Variants in TRPA1 observed in about 807,000 individuals in gnomAD.
The protein encoded by TRPA1 is ankyrin-like with transmembrane domains 1.
Under a neutral mutation model 131.3 loss-of-function variants are expected in TRPA1, and 129 were observed. The observed-to-expected ratio is 0.98, with a 90% CI of 0.85 to 1.14. The LOEUF (loss-of-function observed/expected upper bound fraction) is 1.14, where lower values mean the gene tolerates loss of function less well. Among genes scored for constraint, TRPA1 ranks in the 50% most tolerant of loss-of-function variants. The probability of loss-of-function intolerance (pLI) is 0.00; values close to 1 mark genes in which losing one functional copy is unlikely to be tolerated. For synonymous variants in TRPA1, 441 were observed against 451.7 expected, an observed-to-expected ratio of 0.98 and a Z score of 0.30; for missense variants, 1,304 against 1,354.2, an observed-to-expected ratio of 0.96 and a Z score of 0.58.
chr8:72,055,003 A>G (rs1050117346), intron 12 of TRPA1: 4 of 156,962 alleles, frequency 2.5e-5, no homozygotes, highest in African/African-American at 9.6e-5. Context: ...CCTACCATTC[A>G]TCAGATTGAA....
chr8:72,063,881 C>T (rs575898083), intron 4 of TRPA1, among the ~76,000 whole-genome samples: 1 of 152,214 alleles, frequency 6.6e-6, no homozygotes, highest in East Asian at 1.9e-4. Flanking sequence ...ATTATCATGA[C>T]TTCCATAACT....
In TRPA1 at chr8:72,062,887, G is replaced by T; in HGVS notation, c.719C>A (p.Ala240Asp). 1.2e-6 allele frequency: 2 copies of T among 1,613,818 alleles called. No homozygotes were observed. The highest frequency in any genetic ancestry group is 1.7e-6 in the Non-Finnish European group (2 of 1,179,898). ...LHINFMNNGK[A>D]TPLHLAVQNG... is the part of the protein sequence containing the mutation. Reference sequence around the variant, plus strand: ...TTGCACAGCCAGGTGGAGAGGGGTGGCTTTCCCATTATTCATAAAGTTAAT... The same window carrying T: ...TTGCACAGCCAGGTGGAGAGGGGTGTCTTTCCCATTATTCATAAAGTTAAT... Residue 240 changes from alanine (A) to aspartate (D), a missense_variant, in exon 6 of 27, where the codon GCC becomes GAC. Physicochemically the swap from Ala to Asp is moderately radical, Grantham distance 126. Transcript: ENST00000262209.
chr8:72,082,883 A>C, the TRPA1 span, among the ~76,000 whole-genome samples: 1 of 151,806 alleles, frequency 6.6e-6, no homozygotes, highest in Non-Finnish European at 1.5e-5. Context: ...AATTTCTTCA[A>C]ATAATTTTTC....
rs1805856168 is a variant in TRPA1 at position 72,063,474 on chromosome 8, A to T, written c.650T>A (p.Ile217Lys). 6.2e-7 allele frequency: 1 copy of T among 1,610,956 alleles called. No homozygotes were observed. The highest frequency in any genetic ancestry group is 1.7e-5 in the Admixed American group (1 of 59,986). The change falls in exon 5 of 27, where the codon ATA becomes AAA. Residue 217 changes from isoleucine (I) to lysine (K), a missense_variant. Physicochemically the swap from Ile to Lys is moderately radical, Grantham distance 102 (BLOSUM62 -3). Coordinates refer to ENST00000262209, the MANE Select transcript of TRPA1 (RefSeq NM_007332.3). ...AAGCCTCAACTCACCAAACCTTAGT[A>T]TTATTTCCATGCATTCTTTGGAACC... ...FSGSKECMEI[I>K]LRFGEEHGYS...
chr8:72,036,069 A>T (rs1014278070), intron 21 of TRPA1, among the ~76,000 whole-genome samples: 8 of 151,848 alleles, frequency 5.3e-5, no homozygotes, highest in Admixed American at 2.6e-4. Context: ...TTATCTGGCT[A>T]CAAAGTTCAA....
At chr8:72,053,891 G>T (rs781770099) in intron 12 of TRPA1, 24 bp from the exon 13 acceptor site, 30 of 1,550,806 alleles carry the variant, frequency 1.9e-5, no homozygotes, top group Non-Finnish European at 2.5e-5. Flanking sequence ...AAGAAAAGAT[G>T]TGTGCATACA....
At chr8:72,083,656 T>A in the TRPA1 span, among the ~76,000 whole-genome samples, 1 of 151,494 alleles carries the variant, frequency 6.6e-6, no homozygotes, top group African/African-American at 2.4e-5. Context: ...GGCAGGAGAA[T>A]GGCATGAACC....
At chr8:72,087,613 A>G in the TRPA1 span, among the ~76,000 whole-genome samples, 7 of 130,750 alleles carry the variant, frequency 5.4e-5, no homozygotes, top group African/African-American at 2.1e-4. Flanking sequence ...TTTGTTTTTC[A>G]GTTATATGGA....
intron 23 of TRPA1, among the ~76,000 whole-genome samples, chr8:72,032,203 T>G (rs1311136589): frequency 6.6e-6 from 1 of 152,222 alleles, no homozygotes; most frequent in Non-Finnish European, 1.5e-5. Context: ...AATTAAAGCT[T>G]TTGAAGAGGC....
the TRPA1 span, among the ~76,000 whole-genome samples, chr8:72,083,505 C>A: frequency 1.3e-5 from 2 of 151,170 alleles, no homozygotes; most frequent in Non-Finnish European, 2.9e-5. Flanking sequence ...GAGGCCGAGG[C>A]GGGTGGATCA....
chr8:72,054,005 A>G, intron 12 of TRPA1, 138 bp from the exon 13 acceptor site: 1 of 672,602 alleles, frequency 1.5e-6, no homozygotes. Flanking sequence ...TATTTATAAA[A>G]CATTTATAAT....
At chr8:72,080,943 T>C in the TRPA1 span, among the ~76,000 whole-genome samples, 1 of 151,830 alleles carries the variant, frequency 6.6e-6, no homozygotes, top group African/African-American at 2.4e-5. Flanking sequence ...ATCTCTTTCC[T>C]AGCTAATAGT....
At chr8:72,040,896 T>C (rs1316717388) in intron 17 of TRPA1, among the ~76,000 whole-genome samples, 1 of 152,084 alleles carries the variant, frequency 6.6e-6, no homozygotes, top group African/African-American at 2.4e-5. Context: ...AAAGGCAAAC[T>C]GGTTAATCTC....
Position 72,046,606 on chromosome 8 carries a change from G to C in TRPA1, c.1968C>G (p.Ile656Met), listed in dbSNP as rs367626209. Reference protein sequence around the residue: ...TEDKSCRDYYIEYNFKYLQCP... With the variant: ...TEDKSCRDYYMEYNFKYLQCP... ...ATTGAAGATATTTGAAATTATACTC[G>C]ATCTGTAGAAGACAGAATTTTTTTT... Residue 656 changes from isoleucine (I) to methionine (M), a missense_variant and splice_region_variant, in exon 17 of 27, where the codon ATC (isoleucine) becomes ATG (methionine). Transcript: ENST00000262209. 1.3e-5 allele frequency: 20 copies of C among 1,543,334 alleles called. No homozygotes were observed. The Admixed American group carries it at 3.4e-4, about 26-fold the overall frequency.
intron 3 of TRPA1, 29 bp from the exon 4 acceptor site, chr8:72,065,587 AT>A (rs1805913221): frequency 1.3e-6 from 2 of 1,583,162 alleles, no homozygotes; most frequent in Middle Eastern, 1.7e-4. Flanking sequence ...AATTGTCAAA[AT>A]TTTTGCAGAT....
intron 24 of TRPA1, 108 bp from the exon 25 acceptor site, chr8:72,026,181 T>C: frequency 1.2e-6 from 1 of 864,064 alleles, no homozygotes; most frequent in Non-Finnish European, 1.9e-6. Flanking sequence ...GATTTCTATG[T>C]CCTGACTTCT....
At chr8:72,033,519 T>A (rs983302289) in intron 23 of TRPA1, 125 bp downstream of exon 23, 2 of 947,248 alleles carry the variant, frequency 2.1e-6, no homozygotes, top group East Asian at 5.4e-5. Flanking sequence ...GTTGAACGAA[T>A]AGATTTTGTA....
chr8:72,072,007 C>T (rs1015563760), intron 1 of TRPA1, 140 bp from the exon 2 acceptor site: 1 of 774,992 alleles, frequency 1.3e-6, no homozygotes. Context: ...TCTTGAAATA[C>T]ACAAAATGTT....
intron 26 of TRPA1, chr8:72,023,582 AT>A: frequency 2.1e-6 from 1 of 470,952 alleles, no homozygotes; most frequent in South Asian, 2.4e-5. Flanking sequence ...GGAAATCAGC[AT>A]TTTAATTTTT....
Sources: gnomAD v4.1 joint callset for allele counts (sites outside exome capture counted in the v4.1 genomes callset) on GRCh38, gnomAD v4.1.1 for gene constraint, MANE v1.5 for transcripts, NCBI Gene and HGNC (gene_info 2026-07-23, HGNC 2026-07-21) for gene names.